The following RNF11 variants were observed in gnomAD, a reference collection of about 807,000 sequenced individuals.
RNF11 encodes the protein ring finger protein 11.
RNF11 carries 4 observed loss-of-function variants against 15.8 expected under a neutral mutation model. That is an observed-to-expected ratio of 0.25 (90% CI 0.12 to 0.58). The LOEUF (loss-of-function observed/expected upper bound fraction) is 0.58, where lower values mean the gene tolerates loss of function less well. Ranked by LOEUF, RNF11 falls within the 20% of genes least tolerant of loss-of-function variation. The probability of loss-of-function intolerance (pLI) is 0.91; values close to 1 mark genes in which losing one functional copy is unlikely to be tolerated. For synonymous variants in RNF11, 68 were observed against 72.3 expected (o/e 0.94, Z 0.30); for missense variants, 139 against 194.4 (o/e 0.71, Z 1.70).
intron 1 of RNF11, among the ~76,000 whole-genome samples, chr1:51,238,142 C>G (rs1247248750): frequency 6.6e-6 from 1 of 152,168 alleles, no homozygotes; most frequent in African/African-American, 2.4e-5. Context: ...TCCAGTTCCT[C>G]TCTGCTTGGA....
At chr1:51,256,584 T>G (rs1646905313) in intron 1 of RNF11, among the ~76,000 whole-genome samples, 1 of 152,190 alleles carries the variant, frequency 6.6e-6, no homozygotes, top group South Asian at 2.1e-4. Context: ...TACCAAAGGG[T>G]GCAATTGCTG....
At chr1:51,253,538 AAGG>A (rs889931040) in intron 1 of RNF11, among the ~76,000 whole-genome samples, 4 of 151,212 alleles carry the variant, frequency 2.6e-5, no homozygotes, top group African/African-American at 9.8e-5. Flanking sequence ...AAAAAAAAAA[AAGG>A]AGGTGGGGGA....
intron 1 of RNF11, 38 bp from the exon 2 acceptor site, chr1:51,269,917 TA>T (rs1438667387): frequency 6.4e-7 from 1 of 1,571,102 alleles, no homozygotes. Flanking sequence ...GAAAGGTTTT[TA>T]AAAAATAATC....
At chr1:51,250,695 G>A (rs1646873347) in intron 1 of RNF11, 1 of 1,098,316 alleles carries the variant, frequency 9.1e-7, no homozygotes, top group East Asian at 2.3e-5. Flanking sequence ...GGGAGACTTG[G>A]TAAATACAGT....
At chr1:51,259,106 A>G (rs529207434) in intron 1 of RNF11, among the ~76,000 whole-genome samples, 2 of 152,312 alleles carry the variant, frequency 1.3e-5, no homozygotes, top group African/African-American at 4.8e-5. Context: ...ACCAGGATGA[A>G]TTTGCTCTCC....
rs565627817 is a variant in RNF11, at chr1:51,272,959, C to T, written c.*1637C>T. ...TGTTGCTTAAATTTCCTTATGAGCCCCATGATGGAAAGACTTAAAGATGAA... is the reference window on the plus strand; with the variant it reads ...TGTTGCTTAAATTTCCTTATGAGCCTCATGATGGAAAGACTTAAAGATGAA... On this transcript the variant is annotated 3_prime_UTR_variant, in exon 3 of 3. Coordinates refer to ENST00000242719, the MANE Select transcript of RNF11 (RefSeq NM_014372.5). The T allele has an allele frequency of 3.3e-5, 5 of 151,990 alleles. No individual in the cohort carries two copies. In the South Asian group the frequency reaches 6.3e-4, roughly 19 times the overall value. The allele number at this position is 151,990 out of a possible 1,614,324, so 9.4% of individuals were successfully genotyped here.
intron 1 of RNF11, among the ~76,000 whole-genome samples, chr1:51,243,734 C>T (rs1646840341): frequency 6.6e-6 from 1 of 152,198 alleles, no homozygotes; most frequent in South Asian, 2.1e-4. Context: ...CCACCACGCC[C>T]GGCCCTTAAT....
rs1245365473 is a variant in RNF11, at chr1:51,257,853, C to CTTTTTTTTTTTTT, written c.124-12097_124-12085dup. Among the ~76,000 whole-genome samples the CTTTTTTTTTTTTT allele has an allele frequency of 5.8e-4, 53 of 91,228 alleles. 3 individuals carry two copies. Among genetic ancestry groups the CTTTTTTTTTTTTT allele is most frequent in the African/African-American group, 2.5e-3 (51 of 20,650 alleles). The allele number at this position is 91,228 out of a possible 152,430, so 59.8% of individuals were successfully genotyped here. A position where few individuals can be genotyped will look rare whatever the true frequency, so the allele number is the denominator to read the frequency against. On this transcript the variant is annotated intron_variant, in intron 1 of 2. Transcript: ENST00000242719. ...CTTCTTATTTCTTTTCTTTTCTTTTCTTTTTTTTTTTTTTTTTTGAGACAA... is the reference window on the plus strand; with the variant it reads ...CTTCTTATTTCTTTTCTTTTCTTTTCTTTTTTTTTTTTTTTTTTTTTTTTTTTTTTTGAGACAA...
rs1646877098 is a variant in RNF11, at chr1:51,251,363, G to C, written c.123+14484G>C. ...GGCCTCGGCCCCGGCCCCGTCTACGGCTGCGACCCCGGCCCCGGATGCCAC... is the reference window on the plus strand; with the variant it reads ...GGCCTCGGCCCCGGCCCCGTCTACGCCTGCGACCCCGGCCCCGGATGCCAC... On this transcript the variant is annotated intron_variant, in intron 1 of 2. Coordinates refer to ENST00000242719, the MANE Select transcript of RNF11 (RefSeq NM_014372.5). 9 of 1,501,700 alleles carry C rather than the reference G, an allele frequency of 6.0e-6. No individual in the cohort carries two copies. The South Asian group carries it at 9.4e-5, about 16-fold the overall frequency. 93.0% of individuals were successfully genotyped at this position (1,501,700 alleles called of 1,614,324 possible). A position where few individuals can be genotyped will look rare whatever the true frequency, so the allele number is the denominator to read the frequency against.
rs986170452 is a variant in RNF11, at chr1:51,270,590, G to A, written c.293+465G>A. 2.6e-5 allele frequency among the ~76,000 whole-genome samples: 4 copies of A among 152,208 alleles called. No homozygotes were observed. In the East Asian group the frequency reaches 7.7e-4, roughly 29 times the overall value. ...ATAAGAGAAAGTTAGTGTTAATGAA[G>A]AGAGCTTTAACTTACAGCAACCCAG... is the stretch of plus-strand genomic sequence containing the variant. On this transcript the variant is annotated intron_variant, in intron 2 of 2. Transcript: ENST00000242719.
At chr1:51,242,860 G>C (rs1034088009) in intron 1 of RNF11, among the ~76,000 whole-genome samples, 1 of 152,026 alleles carries the variant, frequency 6.6e-6, no homozygotes, top group African/African-American at 2.4e-5. Flanking sequence ...TTTAACATTT[G>C]GGTGGAAAAT....
intron 1 of RNF11, among the ~76,000 whole-genome samples, chr1:51,257,130 A>T (rs1646907345): frequency 6.6e-6 from 1 of 152,192 alleles, no homozygotes. Context: ...AGTGCTTCTC[A>T]GTACCTCCCA....
At chr1:51,251,378 C>T (rs1646877224) in intron 1 of RNF11, 3 of 1,453,168 alleles carry the variant, frequency 2.1e-6, no homozygotes, top group East Asian at 4.8e-5. Flanking sequence ...GACCCCGGCC[C>T]CGGATGCCAC....
chr1:51,249,265 CTGAT>C (rs1646866475), intron 1 of RNF11, among the ~76,000 whole-genome samples: 1 of 152,124 alleles, frequency 6.6e-6, no homozygotes, highest in South Asian at 2.1e-4. Context: ...TTTTGATTGA[CTGAT>C]TGATTGGTCG....
intron 1 of RNF11, among the ~76,000 whole-genome samples, chr1:51,244,939 T>G (rs1030021002): frequency 1.3e-5 from 2 of 152,158 alleles, no homozygotes; most frequent in African/African-American, 4.8e-5. Flanking sequence ...GGATGGTGAG[T>G]TACTTGGTAC....
intron 1 of RNF11, among the ~76,000 whole-genome samples, chr1:51,250,252 C>T (rs1177769611): frequency 6.6e-6 from 1 of 152,132 alleles, no homozygotes; most frequent in African/African-American, 2.4e-5. Context: ...CACAGACAAG[C>T]TAATTTACAG....
intron 1 of RNF11, among the ~76,000 whole-genome samples, chr1:51,253,617 A>G (rs1433134178): frequency 5.3e-5 from 8 of 152,076 alleles, no homozygotes; most frequent in Admixed American, 5.2e-4. Context: ...GATAAGTAAA[A>G]TGATCTCCAT....
chr1:51,236,774 A>G lies in RNF11; in HGVS notation c.18A>G (p.Lys6=). The change falls in exon 1 of 3, where the codon AAA becomes AAG. Residue 6 remains lysine (K), a synonymous_variant. Coordinates refer to ENST00000242719, the MANE Select transcript of RNF11 (RefSeq NM_014372.5). ...TCCGGAAGATGGGGAACTGCCTCAA[A>G]TCCCCCACCTCGGATGACATCTCCC... is the stretch of plus-strand genomic sequence containing the variant. MGNCL[K]SPTSDDISLL... 1 of 1,612,652 alleles carries G rather than the reference A, an allele frequency of 6.2e-7. No homozygotes were observed. Among genetic ancestry groups the G allele is most frequent in the South Asian group, 1.1e-5 (1 of 90,976 alleles).
intron 2 of RNF11, among the ~76,000 whole-genome samples, 158 bp from the exon 3 acceptor site, chr1:51,270,993 A>C (rs1016509361): frequency 6.6e-6 from 1 of 152,252 alleles, no homozygotes; most frequent in Non-Finnish European, 1.5e-5. Context: ...GATCAACATT[A>C]GGAAAAAATT....
Sources: allele counts gnomAD v4.1 joint callset (sites outside exome capture counted in the v4.1 genomes callset), GRCh38; gene constraint gnomAD v4.1.1; transcripts MANE v1.5; gene names NCBI Gene and HGNC (gene_info 2026-07-23, HGNC 2026-07-21).